The following LARS1 variants were observed in gnomAD, a reference collection of about 807,000 sequenced individuals.
LARS1 encodes leucyl-tRNA synthetase 1, also known as leucine--tRNA ligase, cytoplasmic.
LARS1 carries 100 observed loss-of-function variants against 162.8 expected under a neutral mutation model. That is an observed-to-expected ratio of 0.61 (90% CI 0.52 to 0.73). LARS1 has a LOEUF of 0.73. LARS1 is among the 30% of genes least tolerant of loss of function. The probability of loss-of-function intolerance (pLI) is 0.00; values close to 1 mark genes in which losing one functional copy is unlikely to be tolerated. For missense variants in LARS1, 1,258 were observed against 1,408.9 expected (o/e 0.89, Z 1.71); for synonymous variants, 457 against 462.8 (o/e 0.99, Z 0.16).
intron 2 of LARS1, among the ~76,000 whole-genome samples, chr5:146,173,890 T>C: frequency 6.6e-6 from 1 of 151,904 alleles, no homozygotes; most frequent in Non-Finnish European, 1.5e-5. Flanking sequence ...GTGAGTTTCA[T>C]ACAAAAAAAA....
chr5:146,133,137 T>C, intron 22 of LARS1, 56 bp from the exon 23 acceptor site: 1 of 1,436,370 alleles, frequency 7.0e-7, no homozygotes, highest in Non-Finnish European at 9.6e-7. Context: ...GAGTATCAAC[T>C]GTGTCCTATG....
intron 20 of LARS1, among the ~76,000 whole-genome samples, chr5:146,140,876 T>C (rs779071251): frequency 1.1e-4 from 17 of 151,924 alleles, no homozygotes; most frequent in Admixed American, 7.9e-4. Flanking sequence ...CACATATATA[T>C]ACACACACAC....
intron 8 of LARS1, among the ~76,000 whole-genome samples, 154 bp downstream of exon 8, chr5:146,159,253 T>C (rs945564007): frequency 1.2e-4 from 18 of 152,228 alleles, no homozygotes; most frequent in Admixed American, 2.0e-4. Context: ...TACAGGTACC[T>C]GTATTGATAT....
At chr5:146,158,354 T>C (rs1753623308) in intron 8 of LARS1, among the ~76,000 whole-genome samples, 1 of 152,206 alleles carries the variant, frequency 6.6e-6, no homozygotes. Flanking sequence ...CTTAAGTCTC[T>C]CAAATCTTTT....
chr5:146,121,527 A>G (rs1314164070), intron 30 of LARS1, among the ~76,000 whole-genome samples: 3 of 152,164 alleles, frequency 2.0e-5, no homozygotes, highest in Non-Finnish European at 4.4e-5. Context: ...ACAGGCACAC[A>G]TATGTTTACT....
intron 2 of LARS1, among the ~76,000 whole-genome samples, chr5:146,174,144 TAAAAAAAAAAAA>T (rs66479730): frequency 1.1e-5 from 1 of 89,136 alleles, no homozygotes; most frequent in Non-Finnish European, 2.0e-5. Context: ...CTTTTTCTCT[TAAAAAAAAAAAA>T]AAAAAAAAAA....
At chr5:146,174,556 A>T (rs1261073497) in intron 2 of LARS1, among the ~76,000 whole-genome samples, 1 of 79,788 alleles carries the variant, frequency 1.3e-5, no homozygotes. Context: ...GTATATATCC[A>T]TATATATATA....
chr5:146,115,076 G>A (rs1764148209), intron 31 of LARS1, among the ~76,000 whole-genome samples: 6 of 146,692 alleles, frequency 4.1e-5, no homozygotes, highest in Non-Finnish European at 6.0e-5. Context: ...AACAATCCCA[G>A]GAGCAAAGCT....
intron 21 of LARS1, chr5:146,137,798 AG>A: frequency 3.2e-6 from 1 of 316,470 alleles, no homozygotes; most frequent in Non-Finnish European, 6.2e-6. Flanking sequence ...GCTGGCTATG[AG>A]CAATGTCTCC....
chr5:146,177,189 G>A (rs1046437037), intron 2 of LARS1, among the ~76,000 whole-genome samples: 10 of 152,042 alleles, frequency 6.6e-5, no homozygotes, highest in Non-Finnish European at 1.3e-4. Flanking sequence ...GCACAGGGCC[G>A]GGCGTGGTGG....
intron 30 of LARS1, among the ~76,000 whole-genome samples, chr5:146,121,435 A>G (rs1478318911): frequency 6.6e-6 from 1 of 152,162 alleles, no homozygotes; most frequent in Non-Finnish European, 1.5e-5. Flanking sequence ...TCAAGGATCT[A>G]GATCCAGAAA....
chr5:146,177,574 T>C lies in LARS1; in HGVS notation c.98A>G (p.Asn33Ser), dbSNP rs767647595. 14 of 1,589,986 alleles carry C rather than the reference T, an allele frequency of 8.8e-6. No homozygotes were observed. The highest frequency in any genetic ancestry group is 1.2e-5 in the Non-Finnish European group (14 of 1,162,594). ...KWDTERVFEV[N>S]ASNLEKQTSK... ...GGTCTGTTTCTCTAAATTAGATGCA[T>C]TGACCTCAAACACTCTCTCAGTATC... The change falls in exon 2 of 32, where the codon AAT becomes AGT. Residue 33 changes from asparagine to serine, a missense_variant. By Grantham distance (46) the Asn-to-Ser change is conservative. Transcript: ENST00000394434.
intron 2 of LARS1, among the ~76,000 whole-genome samples, chr5:146,173,971 T>C (rs1754391806): frequency 6.6e-6 from 1 of 152,056 alleles, no homozygotes; most frequent in Non-Finnish European, 1.5e-5. Flanking sequence ...TCAGTCTTAC[T>C]GCATACACCT....
At chr5:146,174,606 ATC>A (rs1456317636) in intron 2 of LARS1, among the ~76,000 whole-genome samples, 1 of 107,638 alleles carries the variant, frequency 9.3e-6, no homozygotes, top group African/African-American at 3.0e-5. Flanking sequence ...ATATATATAT[ATC>A]CATTAGAATA....
At chr5:146,170,922 G>C (rs774410649) in intron 4 of LARS1, among the ~76,000 whole-genome samples, 2 of 151,642 alleles carry the variant, frequency 1.3e-5, no homozygotes, top group Non-Finnish European at 2.9e-5. Context: ...AGAAAAGCAC[G>C]CATGCATGCA....
chr5:146,136,378 G>A (rs1752500083), intron 21 of LARS1, among the ~76,000 whole-genome samples: 2 of 151,922 alleles, frequency 1.3e-5, no homozygotes, highest in Non-Finnish European at 2.9e-5. Flanking sequence ...TTACAAAGAA[G>A]AAATGAGTTC....
At chr5:146,179,516 A>C (rs1348308192) in intron 1 of LARS1, among the ~76,000 whole-genome samples, 1 of 152,138 alleles carries the variant, frequency 6.6e-6, no homozygotes, top group Non-Finnish European at 1.5e-5. Flanking sequence ...CCACAAAGGC[A>C]AAAGTATGTA....
chr5:146,116,935 T>G lies in LARS1; in HGVS notation c.3326-2624A>C, dbSNP rs910909371. Among the ~76,000 whole-genome samples the G allele has an allele frequency of 2.6e-5, 4 of 152,326 alleles. No homozygotes were observed. In the South Asian group the frequency reaches 8.3e-4, roughly 32 times the overall value. On this transcript the variant is annotated intron_variant, in intron 31 of 31. Coordinates refer to ENST00000394434, the MANE Select transcript of LARS1 (RefSeq NM_020117.11). ...CTCCTCTTCCATCTCATATACTGAA[T>G]ATACTCAGGCCTTTTAGATATCAAG...
intron 31 of LARS1, among the ~76,000 whole-genome samples, chr5:146,115,581 CAAAAAAAAAAAAAA>C (rs58644900): frequency 9.7e-5 from 2 of 20,584 alleles, no homozygotes; most frequent in East Asian, 3.0e-3. Flanking sequence ...AGCGCCTGAC[CAAAAAAAAAAAAAA>C]AAAAAAAAAA....
Sources: allele counts gnomAD v4.1 joint callset (sites outside exome capture counted in the v4.1 genomes callset), GRCh38; gene constraint gnomAD v4.1.1; transcripts MANE v1.5; gene names NCBI Gene and HGNC (gene_info 2026-07-23, HGNC 2026-07-21).